Variants in RAMP1 observed in about 807,000 individuals in gnomAD.
RAMP1 encodes receptor activity modifying protein 1.
Under a neutral mutation model 8.2 loss-of-function variants are expected in RAMP1, and 7 were observed. The observed-to-expected ratio is 0.85, with a 90% CI of 0.49 to 1.60. The LOEUF is 1.60. Ranked by LOEUF, RAMP1 falls within the 40% of genes most tolerant of loss-of-function variation. The pLI is 0.00. For missense variants in RAMP1, 192 were observed against 202.4 expected (o/e 0.95, Z 0.31); for synonymous variants, 92 against 84.7 (o/e 1.09, Z -0.47).
At chr2:237,901,860 T>TC (rs1559952970) in intron 2 of RAMP1, among the ~76,000 whole-genome samples, 1 of 151,626 alleles carries the variant, frequency 6.6e-6, no homozygotes, top group Non-Finnish European at 1.5e-5. Flanking sequence ...AGCCCCCACA[T>TC]ACTCACTACA....
intron 2 of RAMP1, among the ~76,000 whole-genome samples, chr2:237,889,886 A>G (rs942691817): frequency 6.6e-6 from 1 of 152,080 alleles, no homozygotes; most frequent in African/African-American, 2.4e-5. Context: ...TGAGCCTCCC[A>G]AAGTGCTGGG....
At chr2:237,874,173 T>C (rs531020692) in intron 1 of RAMP1, among the ~76,000 whole-genome samples, 192 of 152,246 alleles carry the variant, frequency 1.3e-3, no homozygotes, top group African/African-American at 4.5e-3. Context: ...AAGCTAGAAC[T>C]GGCTGGGCTG....
chr2:237,910,356 C>T (rs1383119679), intron 2 of RAMP1, among the ~76,000 whole-genome samples: 1 of 150,974 alleles, frequency 6.6e-6, no homozygotes, highest in Non-Finnish European at 1.5e-5. Context: ...CACACACACA[C>T]ACAATCACAC....
chr2:237,896,080 A>T (rs922546112), intron 2 of RAMP1, among the ~76,000 whole-genome samples: 7 of 152,186 alleles, frequency 4.6e-5, no homozygotes, highest in African/African-American at 1.7e-4. Context: ...GCATTCCCTG[A>T]TCCTCGGACC....
At chr2:237,904,600 G>A (rs555577528) in intron 2 of RAMP1, among the ~76,000 whole-genome samples, 15 of 152,198 alleles carry the variant, frequency 9.9e-5, no homozygotes, top group African/African-American at 3.6e-4. Context: ...AGAGCAAAAC[G>A]CTGTCTAAAA....
At chr2:237,910,678 G>A (rs563605764) in intron 2 of RAMP1, among the ~76,000 whole-genome samples, 1 of 149,422 alleles carries the variant, frequency 6.7e-6, no homozygotes, top group African/African-American at 2.5e-5. Context: ...GGGAATAACA[G>A]CCACTCACAG....
intron 1 of RAMP1, chr2:237,874,692 A>G: frequency 1.0e-6 from 1 of 985,114 alleles, no homozygotes. Flanking sequence ...CAGAATGGCC[A>G]CTGAGAAATC....
At chr2:237,872,432 G>A (rs1340521264) in intron 1 of RAMP1, among the ~76,000 whole-genome samples, 2 of 152,308 alleles carry the variant, frequency 1.3e-5, no homozygotes, top group South Asian at 2.1e-4. Flanking sequence ...GAGAGCCCCC[G>A]AAGCCTCTCC....
rs758477424 is a variant in RAMP1, at chr2:237,911,567, G to C, written c.231G>C (p.Ala77=). ...RELADCTWHM[A]EKLGCFWPNA... ...TGGCCGACTGCACCTGGCACATGGCGGAGAAGCTGGGCTGCTTCTGGCCCA... is the reference window on the plus strand; with the variant it reads ...TGGCCGACTGCACCTGGCACATGGCCGAGAAGCTGGGCTGCTTCTGGCCCA... The change falls in exon 3 of 3, where the codon GCG becomes GCC. Residue 77 remains alanine (A), a synonymous_variant. Coordinates refer to ENST00000254661, the MANE Select transcript of RAMP1 (RefSeq NM_005855.4). The C allele has an allele frequency of 6.2e-7, 1 of 1,614,148 alleles. No homozygotes were observed. Among genetic ancestry groups the C allele is most frequent in the East Asian group, 2.2e-5 (1 of 44,886 alleles).
Position 237,911,551 on chromosome 2 carries a change from G to A in RAMP1, c.215G>A (p.Cys72Tyr), listed in dbSNP as rs766724024. Residue 72 changes from cysteine (C) to tyrosine (Y), a missense_variant, in exon 3 of 3, where the codon TGC becomes TAC. By Grantham distance (194) the Cys-to-Tyr change is radical. Transcript: ENST00000254661. Reference protein sequence around the residue: ...TIRSYRELADCTWHMAEKLGC... With the variant: ...TIRSYRELADYTWHMAEKLGC... ...AGGAGCTACAGGGAGCTGGCCGACT[G>A]CACCTGGCACATGGCGGAGAAGCTG... 1.2e-6 allele frequency: 2 copies of A among 1,614,136 alleles called. No individual in the cohort carries two copies. Among genetic ancestry groups the A allele is most frequent in the African/African-American group, 2.7e-5 (2 of 75,064 alleles).
intron 1 of RAMP1, among the ~76,000 whole-genome samples, chr2:237,871,592 C>A (rs982828548): frequency 6.6e-6 from 1 of 152,012 alleles, no homozygotes; most frequent in Non-Finnish European, 1.5e-5. Context: ...GTTCCTCCAC[C>A]GCCCCCCGAC....
intron 2 of RAMP1, among the ~76,000 whole-genome samples, chr2:237,879,012 G>T (rs917158813): frequency 2.6e-5 from 4 of 152,236 alleles, no homozygotes; most frequent in African/African-American, 9.6e-5. Context: ...TGTACTGAAG[G>T]TCTCTCCAAG....
chr2:237,868,629 A>G (rs1336896593), intron 1 of RAMP1, among the ~76,000 whole-genome samples: 2 of 149,636 alleles, frequency 1.3e-5, no homozygotes, highest in Non-Finnish European at 3.0e-5. Flanking sequence ...CTTACTCTAC[A>G]CTTTTTCTTG....
chr2:237,911,527 G>C lies in RAMP1; in HGVS notation c.192-1G>C. The C allele has an allele frequency of 6.2e-7, 1 of 1,613,900 alleles. No homozygotes were observed. The highest frequency in any genetic ancestry group is 8.5e-7 in the Non-Finnish European group (1 of 1,179,842). ...CTTACCACCTCCTCTTCCATCCGCA[G>C]GAGCTACAGGGAGCTGGCCGACTGC... On this transcript the variant is annotated splice_acceptor_variant, in intron 2 of 2. Coordinates refer to ENST00000254661, the MANE Select transcript of RAMP1 (RefSeq NM_005855.4). LOFTEE classifies it high-confidence loss of function.
chr2:237,860,913 C>T (rs564642728), intron 1 of RAMP1, among the ~76,000 whole-genome samples: 1 of 146,186 alleles, frequency 6.8e-6, no homozygotes, highest in African/African-American at 2.8e-5. Context: ...CCTCAGAGGC[C>T]GATATAATAT....
intron 1 of RAMP1, among the ~76,000 whole-genome samples, chr2:237,871,541 G>A (rs879419931): frequency 6.6e-6 from 1 of 152,160 alleles, no homozygotes; most frequent in Non-Finnish European, 1.5e-5. Flanking sequence ...TAGATGTCAG[G>A]GAGGCAGCAG....
intron 2 of RAMP1, among the ~76,000 whole-genome samples, chr2:237,883,144 G>A (rs1358358389): frequency 6.6e-6 from 1 of 152,174 alleles, no homozygotes; most frequent in Non-Finnish European, 1.5e-5. Context: ...GATTCTGAAG[G>A]CAGGAGCCTC....
At chr2:237,885,142 A>G (rs994079017) in intron 2 of RAMP1, among the ~76,000 whole-genome samples, 1 of 152,260 alleles carries the variant, frequency 6.6e-6, no homozygotes, top group African/African-American at 2.4e-5. Context: ...CAAGTCAGGA[A>G]ATTCTTCAGA....
upstream of RAMP1, chr2:237,858,986 C>G (rs561672480): frequency 2.6e-5 from 4 of 153,188 alleles, no homozygotes; most frequent in African/African-American, 9.6e-5. This position sits in a 1 kb window ranked among gnomAD's most constrained non-coding sequence, Gnocchi z 4.4. Context: ...ACCTACCCAT[C>G]AACAGCAAGA....
Sources: gnomAD v4.1 joint callset for allele counts (sites outside exome capture counted in the v4.1 genomes callset) on GRCh38, gnomAD v4.1.1 for gene constraint, Gnocchi (gnomAD v3.1) non-coding constraint, MANE v1.5 for transcripts, NCBI Gene and HGNC (gene_info 2026-07-23, HGNC 2026-07-21) for gene names.